Variants in IMMP2L observed in about 807,000 individuals in gnomAD.
IMMP2L encodes the protein mitochondrial inner membrane protease subunit 2.
IMMP2L carries 18 observed loss-of-function variants against 19.3 expected under a neutral mutation model. The ratio of observed to expected loss-of-function variants is 0.93; its 90% confidence interval spans 0.64 to 1.38. The LOEUF is 1.38. Among genes scored for constraint, IMMP2L ranks in the 40% most tolerant of loss-of-function variants. The pLI, the probability that IMMP2L is intolerant of heterozygous loss-of-function variation, is 0.00. For synonymous variants in IMMP2L, 76 were observed against 73.0 expected, an observed-to-expected ratio of 1.04 and a Z score of -0.21; for missense variants, 233 against 218.2, an observed-to-expected ratio of 1.07 and a Z score of -0.43.
At chr7:110,991,641 A>G (rs530735359) in intron 3 of IMMP2L, among the ~76,000 whole-genome samples, 4 of 152,294 alleles carry the variant, frequency 2.6e-5, no homozygotes, top group African/African-American at 9.6e-5. Flanking sequence ...TTTTTGAAAG[A>G]CACACTACTA....
In IMMP2L at chr7:111,044,294, T is replaced by C. The variant is rs187157557; in HGVS notation, c.240-80729A>G. ...TACATACTGGGCTGAGCATGGTGGCTCATGCCTGTAATCCCAGAGCTTTGG... is the reference window on the plus strand; with the variant it reads ...TACATACTGGGCTGAGCATGGTGGCCCATGCCTGTAATCCCAGAGCTTTGG... On this transcript the variant is annotated intron_variant, in intron 3 of 5. Transcript: ENST00000405709. 2.9e-4 allele frequency among the ~76,000 whole-genome samples: 44 copies of C among 152,336 alleles called. No homozygotes were observed. The East Asian group carries it at 4.4e-3, about 15-fold the overall frequency.
At chr7:111,469,281 A>G (rs1437767663) in intron 3 of IMMP2L, among the ~76,000 whole-genome samples, 1 of 152,034 alleles carries the variant, frequency 6.6e-6, no homozygotes, top group African/African-American at 2.4e-5. Context: ...GTTTTTTCCA[A>G]TTCTGTGAAG....
chr7:111,214,207 T>A (rs2129619355), intron 3 of IMMP2L, among the ~76,000 whole-genome samples: 1 of 152,194 alleles, frequency 6.6e-6, no homozygotes, highest in East Asian at 1.9e-4. Context: ...ATTTCATGTT[T>A]ATATCTTACT....
chr7:111,138,809 T>C (rs1020474672), intron 3 of IMMP2L, among the ~76,000 whole-genome samples: 1 of 152,160 alleles, frequency 6.6e-6, no homozygotes, highest in African/African-American at 2.4e-5. Context: ...GTCCCAGACA[T>C]TATTTGGTCA....
Position 110,731,661 on chromosome 7 carries a change from A to G in IMMP2L, c.409-67940T>C, listed in dbSNP as rs149907300. Among the ~76,000 whole-genome samples the G allele has an allele frequency of 5.6e-3, 851 of 152,296 alleles. 7 individuals carry two copies. The highest frequency in any genetic ancestry group is 0.02 in the Middle Eastern group (6 of 294). On this transcript the variant is annotated intron_variant, in intron 5 of 5. Coordinates refer to ENST00000405709, the MANE Select transcript of IMMP2L (RefSeq NM_032549.4). ...TGTAGGCAAACATACTAATACAACCATGAAAAAATGCCATTAAATATAATA... is the reference window on the plus strand; with the variant it reads ...TGTAGGCAAACATACTAATACAACCGTGAAAAAATGCCATTAAATATAATA...
intron 3 of IMMP2L, among the ~76,000 whole-genome samples, chr7:111,405,137 T>C (rs558586753): frequency 1.3e-5 from 2 of 152,274 alleles, no homozygotes; most frequent in Admixed American, 1.3e-4. Context: ...GAGTTTCACA[T>C]GTGCTTACAC....
chr7:111,199,585 G>C (rs7809537), intron 3 of IMMP2L, among the ~76,000 whole-genome samples: 5 of 152,106 alleles, frequency 3.3e-5, no homozygotes, highest in Admixed American at 2.0e-4. Flanking sequence ...AATTTGATTT[G>C]AGTAAGAAGT....
At chr7:111,160,163 C>CA (rs1201302160) in intron 3 of IMMP2L, among the ~76,000 whole-genome samples, 1 of 151,496 alleles carries the variant, frequency 6.6e-6, no homozygotes, top group Non-Finnish European at 1.5e-5. Context: ...TAAATATATC[C>CA]AAAAAAATGC....
chr7:111,051,947 C>A (rs998134483), intron 3 of IMMP2L, among the ~76,000 whole-genome samples: 2 of 152,130 alleles, frequency 1.3e-5, no homozygotes, highest in Admixed American at 6.5e-5. Context: ...TAGGCCTTGA[C>A]AGGAATGGAG....
intron 3 of IMMP2L, among the ~76,000 whole-genome samples, chr7:111,420,506 A>T (rs1835390438): frequency 1.3e-5 from 2 of 151,700 alleles, no homozygotes; most frequent in Admixed American, 1.3e-4. Flanking sequence ...TGCTGCATCC[A>T]TCAACTCATC....
At chr7:110,915,147 G>A (rs1052436317) in intron 4 of IMMP2L, among the ~76,000 whole-genome samples, 5 of 152,232 alleles carry the variant, frequency 3.3e-5, no homozygotes, top group South Asian at 2.1e-4. Flanking sequence ...CCCCGTGTTC[G>A]CTGCAGCATT....
intron 4 of IMMP2L, among the ~76,000 whole-genome samples, chr7:110,936,589 T>C (rs943305479): frequency 2.6e-5 from 4 of 152,206 alleles, no homozygotes; most frequent in Non-Finnish European, 5.9e-5. Context: ...GGAACACTTT[T>C]ACACTGTTGG....
intron 3 of IMMP2L, among the ~76,000 whole-genome samples, chr7:111,421,356 G>A (rs1279487847): frequency 7.1e-6 from 1 of 140,754 alleles, no homozygotes; most frequent in South Asian, 2.4e-4. Flanking sequence ...TGCAAGCTCC[G>A]CCTCCCGGGT....
intron 4 of IMMP2L, among the ~76,000 whole-genome samples, chr7:110,936,190 T>C (rs1434298611): frequency 1.3e-5 from 2 of 152,094 alleles, no homozygotes; most frequent in Non-Finnish European, 2.9e-5. Flanking sequence ...GAAGCCAAAA[T>C]TGACAAATGG....
chr7:111,258,493 G>A (rs1338138615), intron 3 of IMMP2L, among the ~76,000 whole-genome samples: 4 of 151,914 alleles, frequency 2.6e-5, no homozygotes, highest in Admixed American at 6.6e-5. Context: ...ATGAAGAAAA[G>A]CATTTTTTAA....
At chr7:111,250,074 C>G (rs1008873857) in intron 3 of IMMP2L, among the ~76,000 whole-genome samples, 1 of 152,100 alleles carries the variant, frequency 6.6e-6, no homozygotes, top group South Asian at 2.1e-4. Context: ...GATACAAAAT[C>G]AATGTGCAAA....
chr7:110,797,165 A>G (rs1351513068), intron 5 of IMMP2L, among the ~76,000 whole-genome samples: 2 of 151,926 alleles, frequency 1.3e-5, no homozygotes, highest in Non-Finnish European at 1.5e-5. Flanking sequence ...AGGAAGCAAC[A>G]GTTCTGTCTT....
chr7:110,791,095 A>G (rs1359710354), intron 5 of IMMP2L, among the ~76,000 whole-genome samples: 1 of 151,580 alleles, frequency 6.6e-6, no homozygotes, highest in Non-Finnish European at 1.5e-5. Context: ...GGGGGAAAAA[A>G]TCACACTAAA....
rs371479259 is a variant in IMMP2L, at chr7:110,774,172, A to G, written c.409-110451T>C. On this transcript the variant is annotated intron_variant, in intron 5 of 5. Transcript: ENST00000405709. ...CACCAGTCTGCATAATAGGCAGAAA[A>G]TATTTTACAGAGAAGATTGTGGAAT... 8.5e-5 allele frequency among the ~76,000 whole-genome samples: 13 copies of G among 152,212 alleles called. No homozygotes were observed. The East Asian group carries it at 1.6e-3, about 18-fold the overall frequency.
Sources: allele counts gnomAD v4.1 joint callset (sites outside exome capture counted in the v4.1 genomes callset), GRCh38; gene constraint gnomAD v4.1.1; transcripts MANE v1.5; gene names NCBI Gene and HGNC (gene_info 2026-07-23, HGNC 2026-07-21).